The following NCAM2 variants were observed in gnomAD, a reference collection of about 807,000 sequenced individuals.
NCAM2 encodes the protein neural cell adhesion molecule 2.
In NCAM2, 30 loss-of-function variants were observed where a neutral mutation model predicts 98.1. The observed-to-expected ratio is 0.31, with a 90% CI of 0.23 to 0.41. The LOEUF is 0.41. Among genes scored for constraint, NCAM2 ranks in the 10% least tolerant of loss-of-function variants. NCAM2 has a pLI of 1.00. For synonymous variants in NCAM2, 368 were observed against 342.4 expected (o/e 1.07, Z -0.83); for missense variants, 867 against 1,005.8 (o/e 0.86, Z 1.87).
intron 17 of NCAM2, among the ~76,000 whole-genome samples, chr21:21,537,283 G>A (rs1444987380): frequency 1.3e-5 from 2 of 151,900 alleles, no homozygotes; most frequent in African/African-American, 4.8e-5. Context: ...CTGACCTCAA[G>A]TGATCCACCC....
chr21:21,403,540 A>G (rs1034822302), intron 9 of NCAM2, among the ~76,000 whole-genome samples: 1 of 152,180 alleles, frequency 6.6e-6, no homozygotes, highest in Non-Finnish European at 1.5e-5. Context: ...AAAAACTTTT[A>G]TACCCAAACA....
At chr21:21,243,317 T>A (rs990082798) in intron 1 of NCAM2, among the ~76,000 whole-genome samples, 2 of 152,186 alleles carry the variant, frequency 1.3e-5, no homozygotes, top group Non-Finnish European at 2.9e-5. Flanking sequence ...GAATGAGAGT[T>A]ACACCTTGAA....
At chr21:21,444,193 A>T (rs1448504747) in intron 12 of NCAM2, among the ~76,000 whole-genome samples, 3 of 152,182 alleles carry the variant, frequency 2.0e-5, no homozygotes, top group African/African-American at 7.2e-5. Flanking sequence ...TGACTTGATC[A>T]TGGTGGGTAA....
chr21:21,185,954 C>T (rs937473864), intron 1 of NCAM2, among the ~76,000 whole-genome samples: 1 of 152,096 alleles, frequency 6.6e-6, no homozygotes, highest in Non-Finnish European at 1.5e-5. Flanking sequence ...ATAGCCAGGT[C>T]AAAGTGAGGA....
chr21:21,438,363 T>A (rs192358959), intron 12 of NCAM2, among the ~76,000 whole-genome samples: 1 of 152,300 alleles, frequency 6.6e-6, no homozygotes, highest in Admixed American at 6.5e-5. Context: ...TAACAAATTC[T>A]TATTAATTTT....
chr21:21,137,586 C>G (rs2067085002), intron 1 of NCAM2, among the ~76,000 whole-genome samples: 1 of 152,166 alleles, frequency 6.6e-6, no homozygotes. Flanking sequence ...TGGAGAAACC[C>G]TGTCTCTACT....
chr21:21,115,518 G>A (rs1008480831), intron 1 of NCAM2, among the ~76,000 whole-genome samples: 4 of 152,074 alleles, frequency 2.6e-5, no homozygotes, highest in Non-Finnish European at 5.9e-5. Flanking sequence ...TAATGGTTAG[G>A]TCAATGTTTG....
At chr21:21,362,060 C>A (rs1177896981) in intron 8 of NCAM2, among the ~76,000 whole-genome samples, 2 of 151,982 alleles carry the variant, frequency 1.3e-5, no homozygotes, top group Non-Finnish European at 2.9e-5. Context: ...TTTTCAACAA[C>A]CAGCTGTTAC....
At chr21:21,289,913 G>A (rs2073233444) in intron 4 of NCAM2, among the ~76,000 whole-genome samples, 3 of 151,906 alleles carry the variant, frequency 2.0e-5, no homozygotes, top group South Asian at 2.1e-4. Context: ...AATAGTTCAG[G>A]TCCTAATGAA....
intron 1 of NCAM2, among the ~76,000 whole-genome samples, chr21:21,095,508 A>G (rs1205338112): frequency 6.6e-6 from 1 of 151,646 alleles, no homozygotes; most frequent in African/African-American, 2.4e-5. Context: ...AAGCAGGAAA[A>G]AACATCTTGG....
intron 1 of NCAM2, among the ~76,000 whole-genome samples, chr21:21,197,232 C>G (rs142252719): frequency 1.7e-3 from 258 of 152,246 alleles, no homozygotes; most frequent in Non-Finnish European, 2.9e-3. Flanking sequence ...CGGGTTCAAG[C>G]GATTTTCCTG....
At chr21:21,068,458 A>ATT (rs566218063) in intron 1 of NCAM2, among the ~76,000 whole-genome samples, 1,170 of 112,462 alleles carry the variant, frequency 0.01, 30 homozygotes, top group African/African-American at 0.033. Flanking sequence ...ATGGTATTGC[A>ATT]TTTTTTTTTT....
intron 1 of NCAM2, among the ~76,000 whole-genome samples, chr21:21,191,764 A>C (rs2068831433): frequency 6.6e-6 from 1 of 152,204 alleles, no homozygotes; most frequent in African/African-American, 2.4e-5. Context: ...GCAGGAAATA[A>C]AGCCAGGCAC....
At chr21:21,003,125 C>T (rs1216598917) in intron 1 of NCAM2, among the ~76,000 whole-genome samples, 2 of 152,036 alleles carry the variant, frequency 1.3e-5, no homozygotes, top group Non-Finnish European at 2.9e-5. Flanking sequence ...AAATAGATAT[C>T]AACATATTTC....
chr21:21,282,774 G>A (rs1009245042), intron 2 of NCAM2, among the ~76,000 whole-genome samples: 11 of 151,246 alleles, frequency 7.3e-5, no homozygotes, highest in Non-Finnish European at 1.3e-4. Context: ...TAATCTGTAC[G>A]TACAAATAGT....
intron 1 of NCAM2, among the ~76,000 whole-genome samples, chr21:21,254,331 C>T (rs568783514): frequency 2.6e-5 from 4 of 152,270 alleles, no homozygotes; most frequent in East Asian, 3.9e-4. Context: ...GTCGCAACGC[C>T]AGCCTATCTA....
intron 1 of NCAM2, among the ~76,000 whole-genome samples, chr21:21,167,144 T>G (rs1199568531): frequency 6.6e-6 from 1 of 152,098 alleles, no homozygotes; most frequent in East Asian, 1.9e-4. Flanking sequence ...TGGGAATTAC[T>G]ACTGGGTGAG....
chr21:21,088,609 A>G (rs2065948332), intron 1 of NCAM2, among the ~76,000 whole-genome samples: 1 of 152,092 alleles, frequency 6.6e-6, no homozygotes, highest in Admixed American at 6.6e-5. Context: ...TGTGTTTATG[A>G]TTTCTTTCTT....
rs186631928 is a variant in NCAM2, at chr21:21,043,042, A to G, written c.55+44424A>G. On this transcript the variant is annotated intron_variant, in intron 1 of 17. Transcript: ENST00000400546. ...TTATTAGACTAATGAAATGGAAGGC[A>G]TTCTTTTCAAAATGTCAAATTTCAG... Among the ~76,000 whole-genome samples the G allele has an allele frequency of 1.4e-3, 212 of 152,364 alleles. 4 individuals carry two copies. The highest frequency in any genetic ancestry group is 7.6e-3 in the Admixed American group (117 of 15,304).
Sources: gnomAD v4.1 joint callset for allele counts (sites outside exome capture counted in the v4.1 genomes callset) on GRCh38, gnomAD v4.1.1 for gene constraint, MANE v1.5 for transcripts, NCBI Gene and HGNC (gene_info 2026-07-23, HGNC 2026-07-21) for gene names.